The following NDUFA5 variants were observed in gnomAD, a reference collection of about 807,000 sequenced individuals.
NDUFA5 encodes the protein NADH:ubiquinone oxidoreductase subunit A5, also known as NADH dehydrogenase [ubiquinone] 1 alpha subcomplex subunit 5.
NDUFA5 carries 11 observed loss-of-function variants against 19.8 expected under a neutral mutation model. The observed-to-expected ratio is 0.56, with a 90% CI of 0.35 to 0.92. The LOEUF is 0.92. Among genes scored for constraint, NDUFA5 ranks in the 40% least tolerant of loss-of-function variants. The pLI is 0.01. For missense variants in NDUFA5, 109 were observed against 134.2 expected, an observed-to-expected ratio of 0.81 and a Z score of 0.93; for synonymous variants, 47 against 46.8, an observed-to-expected ratio of 1.00 and a Z score of -0.01.
chr7:123,567,642 A>G, the NDUFA5 span, among the ~76,000 whole-genome samples: 1 of 152,168 alleles, frequency 6.6e-6, no homozygotes, highest in East Asian at 1.9e-4. Flanking sequence ...GGCATGAGGA[A>G]AAACCACTCA....
At chr7:123,569,834 G>T in the NDUFA5 span, among the ~76,000 whole-genome samples, 1 of 151,994 alleles carries the variant, frequency 6.6e-6, no homozygotes, top group Non-Finnish European at 1.5e-5. Flanking sequence ...TAATTTCTTT[G>T]GCAAGTTACA....
At chr7:123,601,250 G>A in the NDUFA5 span, among the ~76,000 whole-genome samples, 2 of 152,012 alleles carry the variant, frequency 1.3e-5, no homozygotes, top group Non-Finnish European at 2.9e-5. Context: ...TTTTTTGCTT[G>A]TTTTATTAAT....
chr7:123,591,671 C>CT, the NDUFA5 span, among the ~76,000 whole-genome samples: 3 of 152,074 alleles, frequency 2.0e-5, no homozygotes, highest in African/African-American at 7.2e-5. Context: ...GGTGGATATG[C>CT]TTTTTGACGT....
At chr7:123,582,659 G>A in the NDUFA5 span, among the ~76,000 whole-genome samples, 4 of 151,580 alleles carry the variant, frequency 2.6e-5, no homozygotes, top group African/African-American at 4.8e-5. Flanking sequence ...ACATTATCTC[G>A]AAAACTCCTT....
chr7:123,543,098 T>C (rs1161763155), intron 4 of NDUFA5, among the ~76,000 whole-genome samples: 3 of 152,162 alleles, frequency 2.0e-5, no homozygotes, highest in African/African-American at 2.4e-5. Context: ...AGTCAATCTA[T>C]GTTTACAAGC....
At chr7:123,562,798 CTTTTT>C (rs35492926), upstream of NDUFA5, among the ~76,000 whole-genome samples, 3 of 136,024 alleles carry the variant, frequency 2.2e-5, no homozygotes. Flanking sequence ...TTCTTTCTTT[CTTTTT>C]TTTTTTTTTT....
the NDUFA5 span, among the ~76,000 whole-genome samples, chr7:123,565,009 A>G: frequency 2.6e-5 from 4 of 151,924 alleles, no homozygotes; most frequent in Admixed American, 2.0e-4. Context: ...GGCTTATGCA[A>G]TTACGGAAGT....
At chr7:123,546,767 C>T in intron 3 of NDUFA5, 1 of 1,032,538 alleles carries the variant, frequency 9.7e-7, no homozygotes, top group Non-Finnish European at 1.3e-6. Context: ...AATCTTTGCT[C>T]AAATAACACC....
intron 3 of NDUFA5, among the ~76,000 whole-genome samples, chr7:123,548,919 C>T (rs1004085648): frequency 3.3e-5 from 5 of 151,512 alleles, no homozygotes; most frequent in Non-Finnish European, 5.9e-5. Flanking sequence ...TTCAACCAAC[C>T]ACAGATGGAA....
chr7:123,600,990 A>G, the NDUFA5 span, among the ~76,000 whole-genome samples: 2 of 152,168 alleles, frequency 1.3e-5, no homozygotes, highest in African/African-American at 2.4e-5. Flanking sequence ...TGAATATAAA[A>G]TATGAAATGA....
At chr7:123,558,915 G>A (rs1381191534), upstream of NDUFA5, among the ~76,000 whole-genome samples, 1 of 152,042 alleles carries the variant, frequency 6.6e-6, no homozygotes, top group Non-Finnish European at 1.5e-5. Flanking sequence ...CCTTTCATTA[G>A]AGGCATGAGA....
At chr7:123,594,863 CT>C in the NDUFA5 span, among the ~76,000 whole-genome samples, 1 of 152,230 alleles carries the variant, frequency 6.6e-6, no homozygotes, top group East Asian at 1.9e-4. Context: ...TGTCTGCTGC[CT>C]TTTGTTCAGA....
rs1170487622 is a variant in NDUFA5, at chr7:123,539,666, G to C, written c.*2453C>G. ...GGAAGCAACTGGGAAAAGACTGAAG[G>C]AGTAAAAACGATCAGGTGTAAAGTT... On this transcript the variant is annotated 3_prime_UTR_variant, in exon 5 of 5. Transcript: ENST00000355749. 3.9e-5 allele frequency: 6 copies of C among 152,202 alleles called. No individual in the cohort carries two copies. Among genetic ancestry groups the C allele is most frequent in the Non-Finnish European group, 7.3e-5 (5 of 68,034 alleles). The allele number at this position is 152,202 out of a possible 1,614,324, so 9.4% of individuals were successfully genotyped here. A position where few individuals can be genotyped will look rare whatever the true frequency, so the allele number is the denominator to read the frequency against.
At chr7:123,593,767 TC>T in the NDUFA5 span, among the ~76,000 whole-genome samples, 1 of 152,150 alleles carries the variant, frequency 6.6e-6, no homozygotes, top group African/African-American at 2.4e-5. Context: ...TTGGGGTTGC[TC>T]TTCTCGAGGA....
upstream of NDUFA5, among the ~76,000 whole-genome samples, chr7:123,558,839 A>AG (rs1798646740): frequency 6.6e-6 from 1 of 152,168 alleles, no homozygotes; most frequent in East Asian, 1.9e-4. Context: ...ACACCATCAA[A>AG]TTTATGTTTC....
chr7:123,577,992 A>G, the NDUFA5 span, among the ~76,000 whole-genome samples: 2 of 151,678 alleles, frequency 1.3e-5, no homozygotes, highest in African/African-American at 4.8e-5. Context: ...TGCTGCACCC[A>G]TCAACCCATC....
At chr7:123,576,871 A>G in the NDUFA5 span, among the ~76,000 whole-genome samples, 1 of 152,130 alleles carries the variant, frequency 6.6e-6, no homozygotes, top group Admixed American at 6.6e-5. Flanking sequence ...ACATTATTCC[A>G]GTTTTGTGAA....
the NDUFA5 span, among the ~76,000 whole-genome samples, chr7:123,578,558 T>C: frequency 6.6e-6 from 1 of 152,124 alleles, no homozygotes; most frequent in Non-Finnish European, 1.5e-5. Context: ...CATTTGCTTT[T>C]CTAACTATTA....
chr7:123,544,829 A>T (rs118092605), intron 4 of NDUFA5, among the ~76,000 whole-genome samples: 3,236 of 151,052 alleles, frequency 0.021, 57 homozygotes, highest in Non-Finnish European at 0.034. Flanking sequence ...TAAAAAACCA[A>T]CTACGGAATA....
Sources: allele counts gnomAD v4.1 joint callset (sites outside exome capture counted in the v4.1 genomes callset), GRCh38; gene constraint gnomAD v4.1.1; transcripts MANE v1.5; gene names NCBI Gene and HGNC (gene_info 2026-07-23, HGNC 2026-07-21).